The following TTK variants were observed in gnomAD, a reference collection of about 807,000 sequenced individuals.
The protein encoded by TTK is dual specificity protein kinase TTK.
In TTK, 59 loss-of-function variants were observed where a neutral mutation model predicts 117.3. The observed-to-expected ratio is 0.50, with a 90% CI of 0.41 to 0.62. The LOEUF is 0.62. TTK is among the 20% of genes least tolerant of loss of function. The probability of loss-of-function intolerance (pLI) is 0.00; values close to 1 mark genes in which losing one functional copy is unlikely to be tolerated. For missense variants in TTK, 921 were observed against 989.4 expected (o/e 0.93, Z 0.93); for synonymous variants, 302 against 325.0 (o/e 0.93, Z 0.76).
intron 21 of TTK, among the ~76,000 whole-genome samples, chr6:80,041,114 C>G (rs1032926439): frequency 6.6e-6 from 1 of 151,716 alleles, no homozygotes; most frequent in African/African-American, 2.4e-5. Flanking sequence ...ACACAATTCT[C>G]AAAGCACAAG....
rs781483021 is a variant in TTK, at chr6:80,042,104, G to GT, written c.2491-9dup. On this transcript the variant is annotated splice_polypyrimidine_tract_variant and intron_variant, in intron 21 of 21. Transcript: ENST00000369798. ...CTAAAAAATTGCAAAACAGATTTGT[G>GT]TTTTTTAATTTCAGACTTTATATGA... The GT allele has an allele frequency of 1.7e-5, 26 of 1,520,422 alleles. No individual in the cohort carries two copies. The highest frequency in any genetic ancestry group is 4.0e-4 in the Middle Eastern group (2 of 5,020). The allele number at this position is 1,520,422 out of a possible 1,614,324, so 94.2% of individuals were successfully genotyped here.
At chr6:80,029,359 A>G (rs928363695) in intron 13 of TTK, among the ~76,000 whole-genome samples, 8 of 152,236 alleles carry the variant, frequency 5.3e-5, no homozygotes, top group African/African-American at 1.7e-4. Context: ...AGAATAATGG[A>G]CAAAATAATG....
intron 14 of TTK, among the ~76,000 whole-genome samples, chr6:80,034,663 C>T (rs902319459): frequency 6.6e-6 from 1 of 152,078 alleles, no homozygotes; most frequent in South Asian, 2.1e-4. Context: ...TTTCTTTATG[C>T]TGTTTCCCTG....
intron 10 of TTK, among the ~76,000 whole-genome samples, chr6:80,015,838 A>G (rs1457996254): frequency 2.0e-5 from 3 of 152,316 alleles, no homozygotes; most frequent in South Asian, 2.1e-4. Flanking sequence ...GTGCTGCACA[A>G]TGAAATAACA....
At chr6:80,030,470 G>A (rs10943682) in intron 13 of TTK, among the ~76,000 whole-genome samples, 46,600 of 152,034 alleles carry the variant, frequency 0.31, 8,556 homozygotes, top group East Asian at 0.63. Flanking sequence ...AAAGAAAAGA[G>A]GTTTAATTGG....
chr6:80,008,373 T>C lies in TTK; in HGVS notation c.363-13T>C. On this transcript the variant is annotated splice_polypyrimidine_tract_variant and intron_variant, in intron 3 of 21. Coordinates refer to ENST00000369798, the MANE Select transcript of TTK (RefSeq NM_003318.5). ...TCTTTTTCTTAAATTTTGACTCAAA[T>C]CTTTTATTACAGTATTCAAGAGCCA... The C allele has an allele frequency of 6.3e-7, 1 of 1,596,660 alleles. No individual in the cohort carries two copies. Among genetic ancestry groups the C allele is most frequent in the East Asian group, 2.2e-5 (1 of 44,452 alleles).
At position 80,010,833 on chromosome 6, in the gene TTK, A is replaced by T. The variant is rs756038032; in HGVS notation, c.489A>T (p.Lys163Asn). The change falls in exon 5 of 22, where the codon AAA (lysine) becomes AAT (asparagine). Residue 163 changes from lysine (K) to asparagine (N), a missense_variant. Lys to Asn is a moderately conservative substitution (Grantham distance 94, BLOSUM62 0). Coordinates refer to ENST00000369798, the MANE Select transcript of TTK (RefSeq NM_003318.5). ...TGTTAGGTAATGTCAAAAAAAGTAA[A>T]CAACTTCTTCAAAAAGCTGTAGAAC... ...ELSQGNVKKS[K>N]QLLQKAVERG... 6.2e-7 allele frequency: 1 copy of T among 1,611,098 alleles called. No homozygotes were observed. The highest frequency in any genetic ancestry group is 8.5e-7 in the Non-Finnish European group (1 of 1,178,162).
At chr6:80,014,065 CTT>C (rs1305117083) in intron 9 of TTK, among the ~76,000 whole-genome samples, 1 of 152,130 alleles carries the variant, frequency 6.6e-6, no homozygotes, top group East Asian at 1.9e-4. Context: ...TAACTACTCT[CTT>C]AAGTTATGCA....
chr6:80,026,655 G>C (rs1194729689), intron 12 of TTK, 141 bp downstream of exon 12: 4 of 1,251,992 alleles, frequency 3.2e-6, no homozygotes, highest in Admixed American at 2.7e-5. Context: ...TTCAGCATCA[G>C]TGTTTTCATC....
chr6:80,040,302 G>T, intron 20 of TTK, 22 bp downstream of exon 20: 3 of 1,546,250 alleles, frequency 1.9e-6, no homozygotes, highest in Non-Finnish European at 2.6e-6. Context: ...TTAAAAATTT[G>T]TTTATTACTA....
chr6:80,035,158 A>T lies in TTK; in HGVS notation c.1772+16A>T, dbSNP rs568619073. The T allele has an allele frequency of 6.5e-7, 1 of 1,538,926 alleles. No individual in the cohort carries two copies. Among genetic ancestry groups the T allele is most frequent in the African/African-American group, 1.4e-5 (1 of 71,618 alleles). On this transcript the variant is annotated intron_variant, in intron 15 of 21. Transcript: ENST00000369798. ...TTTATGATTAGTAAGAATTCTTTTT[A>T]AATTTAAAAAGAAAACTTTTTGCCA...
intron 18 of TTK, among the ~76,000 whole-genome samples, chr6:80,038,799 G>A (rs1019844919): frequency 1.3e-5 from 2 of 151,948 alleles, no homozygotes; most frequent in Non-Finnish European, 2.9e-5. Flanking sequence ...TAAATTTCTT[G>A]TGTTTTTATT....
chr6:80,018,555 C>T (rs1011003102), intron 10 of TTK, among the ~76,000 whole-genome samples: 2 of 142,732 alleles, frequency 1.4e-5, no homozygotes, highest in African/African-American at 5.2e-5. Flanking sequence ...ACCTGGGAGG[C>T]GGAAGTTGCA....
At chr6:80,010,741 A>G in intron 4 of TTK, 73 bp from the exon 5 acceptor site, 1 of 1,427,900 alleles carries the variant, frequency 7.0e-7, no homozygotes, top group Non-Finnish European at 9.4e-7. Flanking sequence ...GGTCCTGATG[A>G]ATACGTATCT....
Position 80,027,942 on chromosome 6 carries a change from T to A in TTK, c.1452T>A (p.Pro484=). The A allele has an allele frequency of 6.2e-7, 1 of 1,609,032 alleles. No homozygotes were observed. Among genetic ancestry groups the A allele is most frequent in the South Asian group, 1.1e-5 (1 of 90,414 alleles). The change falls in exon 13 of 22, where the codon CCT becomes CCA. Residue 484 remains proline (P), a synonymous_variant. Coordinates refer to ENST00000369798, the MANE Select transcript of TTK (RefSeq NM_003318.5). ...CACCTGCTTGTCAGTTGTCAACACC[T>A]TATGGCCAACCTGCCTGTTTCCAGC... ...DFPPACQLST[P]YGQPACFQQQ...
intron 10 of TTK, among the ~76,000 whole-genome samples, chr6:80,019,574 T>C (rs1421401458): frequency 2.6e-5 from 4 of 152,226 alleles, no homozygotes; most frequent in Admixed American, 1.3e-4. Context: ...TGAAATGTTA[T>C]ACAAAGCTAG....
Position 80,007,971 on chromosome 6 carries a change from A to G in TTK, c.302A>G (p.Asp101Gly), listed in dbSNP as rs1767040611. 6.2e-7 allele frequency: 1 copy of G among 1,613,532 alleles called. No individual in the cohort carries two copies. Among genetic ancestry groups the G allele is most frequent in the Non-Finnish European group, 8.5e-7 (1 of 1,179,678 alleles). The change falls in exon 3 of 22, where the codon GAT (aspartate) becomes GGT (glycine). Residue 101 changes from aspartate to glycine, a missense_variant. By Grantham distance (94) the Asp-to-Gly change is moderately conservative. Coordinates refer to ENST00000369798, the MANE Select transcript of TTK (RefSeq NM_003318.5). ...YSQAIEALPP[D>G]KYGQNESFAR... The stretch of plus-strand genomic sequence containing the variant: ...CAAGCAATTGAAGCGCTTCCCCCAG[A>G]TAAATATGGCCAAAATGAGAGTTTT...
intron 10 of TTK, among the ~76,000 whole-genome samples, chr6:80,021,052 C>A (rs151281524): frequency 1.3e-5 from 2 of 152,286 alleles, no homozygotes; most frequent in Admixed American, 1.3e-4. Flanking sequence ...TATACTAGGT[C>A]CAGATAACTA....
intron 10 of TTK, among the ~76,000 whole-genome samples, chr6:80,020,501 A>C (rs1767430257): frequency 6.6e-6 from 1 of 152,226 alleles, no homozygotes; most frequent in Non-Finnish European, 1.5e-5. Flanking sequence ...AAAAGAGAAA[A>C]TAGAGAGCTA....
Sources: allele counts gnomAD v4.1 joint callset (sites outside exome capture counted in the v4.1 genomes callset), GRCh38; gene constraint gnomAD v4.1.1; transcripts MANE v1.5; gene names NCBI Gene and HGNC (gene_info 2026-07-23, HGNC 2026-07-21).